Variants in UGGT1 observed in about 807,000 individuals in gnomAD.
UGGT1 encodes the protein UDP-glucose glycoprotein glucosyltransferase 1.
In UGGT1, 107 loss-of-function variants were observed where a neutral mutation model predicts 203.9. The ratio of observed to expected loss-of-function variants is 0.52; its 90% CI spans 0.45 to 0.62. UGGT1 has a LOEUF of 0.62. Ranked by LOEUF, UGGT1 falls within the 20% of genes least tolerant of loss-of-function variation. UGGT1 has a pLI of 0.00. For missense variants in UGGT1, 1,673 were observed against 1,867.2 expected, an observed-to-expected ratio of 0.90 and a Z score of 1.92; for synonymous variants, 628 against 653.5, an observed-to-expected ratio of 0.96 and a Z score of 0.59.
chr2:128,130,539 G>A lies in UGGT1; in HGVS notation c.1377+1360G>A, dbSNP rs1299794554. Among the ~76,000 whole-genome samples the A allele has an allele frequency of 2.0e-5, 3 of 152,132 alleles. No homozygotes were observed. In the East Asian group the frequency reaches 5.8e-4, roughly 29 times the overall value. ...GAGTAAAAGATAATAACATCAACAT[G>A]ACATGTTTATGCAAACATAAAGGGA... On this transcript the variant is annotated intron_variant, in intron 13 of 40. Coordinates refer to ENST00000259253, the MANE Select transcript of UGGT1 (RefSeq NM_020120.4).
chr2:128,103,102 C>T (rs1056451336), intron 2 of UGGT1: 3 of 470,922 alleles, frequency 6.4e-6, no homozygotes, highest in Admixed American at 4.7e-5. Context: ...TGAGATTGTA[C>T]ACCCCAGTGT....
intron 13 of UGGT1, among the ~76,000 whole-genome samples, chr2:128,130,743 C>T (rs1300214156): frequency 6.6e-6 from 1 of 152,058 alleles, no homozygotes; most frequent in Non-Finnish European, 1.5e-5. Flanking sequence ...GTGTGCATTC[C>T]CTTGTCCCTT....
intron 25 of UGGT1, among the ~76,000 whole-genome samples, chr2:128,162,627 C>G (rs1444399507): frequency 3.3e-5 from 5 of 152,124 alleles, no homozygotes; most frequent in African/African-American, 1.2e-4. Flanking sequence ...GGATCCATCC[C>G]TCTTACCTCA....
rs116514833 is a variant in UGGT1 at position 128,164,888 on chromosome 2, C to T, written c.2921+63C>T. The T allele has an allele frequency of 6.5e-4, 804 of 1,236,032 alleles. 4 individuals carry two copies. In the African/African-American group the frequency reaches 7.8e-3, roughly 12 times the overall value. The allele number at this position is 1,236,032 out of a possible 1,614,324, so 76.6% of individuals were successfully genotyped here. On this transcript the variant is annotated intron_variant, in intron 26 of 40. Coordinates refer to ENST00000259253, the MANE Select transcript of UGGT1 (RefSeq NM_020120.4). ...TATTAAACTCTTATGTTTGCTTTAC[C>T]TCAGCTCCTTCATTTTTCCATATAA...
rs895067467 is a variant in UGGT1 at position 128,142,754 on chromosome 2, G to A, written c.1720-340G>A. Among the ~76,000 whole-genome samples the A allele has an allele frequency of 4.1e-4, 62 of 151,998 alleles. 1 individual carries two copies. Among genetic ancestry groups the A allele is most frequent in the South Asian group, 1.9e-3 (9 of 4,818 alleles). On this transcript the variant is annotated intron_variant, in intron 16 of 40. Transcript: ENST00000259253. Reference sequence around the variant, plus strand: ...TCCCAGCACTTTGGGAGACTGAGGCGGGTGGATCACCTGAGGTCAGGGTTT... The same window carrying A: ...TCCCAGCACTTTGGGAGACTGAGGCAGGTGGATCACCTGAGGTCAGGGTTT...
intron 18 of UGGT1, among the ~76,000 whole-genome samples, chr2:128,148,886 C>G (rs1026771257): frequency 2.0e-5 from 3 of 152,162 alleles, no homozygotes; most frequent in African/African-American, 7.2e-5. Context: ...GCTGTTGGCA[C>G]TGAGTGAGGT....
rs114769338 is a variant in UGGT1, at chr2:128,182,323, G to A, written c.4244+33G>A. ...AAAGAAGCACTCCTAACACTGTTAC[G>A]GGGTTTTCCTTAAAATTGATTTTGT... On this transcript the variant is annotated intron_variant, in intron 37 of 40. Coordinates refer to ENST00000259253, the MANE Select transcript of UGGT1 (RefSeq NM_020120.4). 9.7e-4 allele frequency: 1,513 copies of A among 1,566,708 alleles called. 19 individuals carry two copies. The African/African-American group carries it at 0.018, about 18-fold the overall frequency.
chr2:128,126,972 T>C (rs1240478599), intron 11 of UGGT1, among the ~76,000 whole-genome samples: 1 of 152,186 alleles, frequency 6.6e-6, no homozygotes, highest in Admixed American at 6.5e-5. Context: ...TGTGAGCCTC[T>C]GTGCCTGGCC....
At chr2:128,097,306 G>A (rs559676848) in intron 1 of UGGT1, 123 bp from the exon 2 acceptor site, 157 of 1,122,372 alleles carry the variant, frequency 1.4e-4, no homozygotes, top group South Asian at 2.3e-4. Context: ...AACCTGGGAG[G>A]CAGAGGTTGC....
chr2:128,188,021 C>CTTTTT (rs36115792), intron 40 of UGGT1, among the ~76,000 whole-genome samples: 3 of 124,578 alleles, frequency 2.4e-5, no homozygotes, highest in Non-Finnish European at 5.1e-5. Context: ...GTTGAAGAAA[C>CTTTTT]TTTTTTTTTT....
chr2:128,188,779 CAGAG>C (rs1210406783), intron 40 of UGGT1, among the ~76,000 whole-genome samples: 1 of 152,142 alleles, frequency 6.6e-6, no homozygotes, highest in Non-Finnish European at 1.5e-5. Context: ...GCCTAGGTAA[CAGAG>C]AGAGAACCTG....
intron 13 of UGGT1, among the ~76,000 whole-genome samples, chr2:128,131,281 C>T (rs569997489): frequency 5.8e-4 from 87 of 148,792 alleles, no homozygotes; most frequent in African/African-American, 1.0e-3. Context: ...CAGTCAGGCG[C>T]GGTGGCTCAC....
At chr2:128,105,847 G>A (rs1172053904) in intron 3 of UGGT1, among the ~76,000 whole-genome samples, 1 of 149,866 alleles carries the variant, frequency 6.7e-6, no homozygotes, top group Non-Finnish European at 1.5e-5. Flanking sequence ...GTCTGGCTCT[G>A]GAGGCTGGAG....
intron 36 of UGGT1, among the ~76,000 whole-genome samples, chr2:128,181,588 C>T (rs566333762): frequency 4.6e-5 from 7 of 152,162 alleles, no homozygotes; most frequent in Non-Finnish European, 7.3e-5. Context: ...TCAGCCCGAG[C>T]GGGCGGAAAC....
At chr2:128,174,221 A>G (rs1018246258) in intron 30 of UGGT1, among the ~76,000 whole-genome samples, 6 of 151,952 alleles carry the variant, frequency 3.9e-5, no homozygotes, top group Non-Finnish European at 8.8e-5. Context: ...GAAGTGCAAC[A>G]CTTATTCATG....
At chr2:128,156,800 C>G (rs1690254938) in intron 21 of UGGT1, among the ~76,000 whole-genome samples, 1 of 152,128 alleles carries the variant, frequency 6.6e-6, no homozygotes, top group East Asian at 1.9e-4. Context: ...GAACTCCTGA[C>G]CTCAAGTGAT....
chr2:128,160,578 T>A lies in UGGT1; in HGVS notation c.2681T>A (p.Ile894Asn). Reference sequence around the variant, plus strand: ...CTGAAGAAGGGACAGAGGGCAGTGATCAGCAATGGAAGGGTGAGGATTTGT... The same window carrying A: ...CTGAAGAAGGGACAGAGGGCAGTGAACAGCAATGGAAGGGTGAGGATTTGT... ...LKLKKGQRAV[I>N]SNGRIIGPLE... The change falls in exon 24 of 41, where the codon ATC becomes AAC. Residue 894 changes from isoleucine (I) to asparagine (N), a missense_variant. Ile to Asn is a moderately radical substitution (Grantham distance 149, BLOSUM62 -3). Around this residue, in one of 4 missense-constraint regions of UGGT1, gnomAD observed 1,073 missense variants for 1,078.7 expected, o/e 0.99. Transcript: ENST00000259253. The A allele has an allele frequency of 6.2e-7, 1 of 1,612,648 alleles. No homozygotes were observed. The highest frequency in any genetic ancestry group is 1.1e-5 in the South Asian group (1 of 90,862).
intron 40 of UGGT1, 31 bp from the exon 41 acceptor site, chr2:128,189,685 GT>G (rs1692159819): frequency 1.2e-6 from 2 of 1,604,344 alleles, no homozygotes; most frequent in Admixed American, 1.7e-5. Context: ...AAGATCATCT[GT>G]TTTCTTTTCT....
At chr2:128,131,017 G>A (rs527882566) in intron 13 of UGGT1, among the ~76,000 whole-genome samples, 2 of 146,162 alleles carry the variant, frequency 1.4e-5, no homozygotes, top group Non-Finnish European at 3.0e-5. Context: ...TGGATCATTT[G>A]AGGTGAGGAG....
Sources: gnomAD v4.1 joint callset for allele counts (sites outside exome capture counted in the v4.1 genomes callset) on GRCh38, gnomAD v4.1.1 for gene constraint, gnomAD v4.1.1 regional missense constraint, MANE v1.5 for transcripts, NCBI Gene and HGNC (gene_info 2026-07-23, HGNC 2026-07-21) for gene names.